The following CDH13 variants were observed in gnomAD, a reference collection of about 807,000 sequenced individuals.
CDH13 encodes cadherin-13.
Under a neutral mutation model 63.8 loss-of-function variants are expected in CDH13, and 24 were observed. The ratio of observed to expected loss-of-function variants is 0.38; its 90% CI spans 0.27 to 0.53. CDH13 has a LOEUF of 0.53. Ranked by LOEUF, CDH13 falls within the 20% of genes least tolerant of loss-of-function variation. CDH13 has a pLI of 0.85. For synonymous variants in CDH13, 503 were observed against 355.3 expected (o/e 1.42, Z -4.67); for missense variants, 1,049 against 903.1 (o/e 1.16, Z -2.07).
chr16:83,125,124 G>A (rs1047820144), intron 3 of CDH13, among the ~76,000 whole-genome samples: 1 of 152,224 alleles, frequency 6.6e-6, no homozygotes, highest in Admixed American at 6.5e-5. Context: ...TGAGGGATGA[G>A]TAAATCAAGA....
chr16:83,043,644 A>T (rs561094558), intron 3 of CDH13, among the ~76,000 whole-genome samples: 1 of 151,970 alleles, frequency 6.6e-6, no homozygotes, highest in Non-Finnish European at 1.5e-5. Context: ...GGATCACTTG[A>T]GGCCCGGAGT....
intron 8 of CDH13, among the ~76,000 whole-genome samples, chr16:83,625,850 G>A (rs1301360514): frequency 5.3e-5 from 8 of 152,266 alleles, no homozygotes; most frequent in South Asian, 2.1e-4. Context: ...ACCCTTTTAC[G>A]TAAGCCACGC....
At chr16:83,477,656 C>T (rs2073641258) in intron 6 of CDH13, among the ~76,000 whole-genome samples, 5 of 152,114 alleles carry the variant, frequency 3.3e-5, no homozygotes, top group Admixed American at 3.3e-4. Flanking sequence ...AAATGTTTCC[C>T]ATGGATGTAC....
intron 6 of CDH13, among the ~76,000 whole-genome samples, chr16:83,425,476 G>A (rs2071864990): frequency 6.6e-6 from 1 of 152,240 alleles, no homozygotes; most frequent in South Asian, 2.1e-4. Flanking sequence ...CCTGCACTCA[G>A]GAGGCTCACA....
At chr16:83,451,133 C>A (rs2072875914) in intron 6 of CDH13, among the ~76,000 whole-genome samples, 1 of 152,162 alleles carries the variant, frequency 6.6e-6, no homozygotes, top group African/African-American at 2.4e-5. Flanking sequence ...AAAGGAGAAT[C>A]ATTTGTCTTT....
chr16:83,670,958 C>A lies in CDH13; in HGVS notation c.1270C>A (p.Leu424Ile). 1 of 1,596,788 alleles carries A rather than the reference C, an allele frequency of 6.3e-7. No homozygotes were observed. Among genetic ancestry groups the A allele is most frequent in the Non-Finnish European group, 8.6e-7 (1 of 1,168,888 alleles). The change falls in exon 9 of 14, where the codon CTT (leucine) becomes ATT (isoleucine). Residue 424 changes from leucine to isoleucine, a missense_variant. Coordinates refer to ENST00000567109, the MANE Select transcript of CDH13 (RefSeq NM_001257.5). ...HTNPQTNEGM[L>I]SVVKPLDYEI... ...CAACCCTCAAACCAACGAAGGGATG[C>A]TTTCTGTTGTCAAAGTAAGGGTGCT...
At chr16:83,045,201 C>A (rs1377572362) in intron 3 of CDH13, among the ~76,000 whole-genome samples, 1 of 152,106 alleles carries the variant, frequency 6.6e-6, no homozygotes, top group African/African-American at 2.4e-5. Context: ...GCAAAACTCC[C>A]AGAGAAATTT....
chr16:83,247,981 C>G (rs902400498), intron 5 of CDH13, among the ~76,000 whole-genome samples: 1 of 152,126 alleles, frequency 6.6e-6, no homozygotes, highest in African/African-American at 2.4e-5. Context: ...GTCCAGGAAG[C>G]CCCAGGCTGT....
intron 1 of CDH13, among the ~76,000 whole-genome samples, chr16:82,839,679 C>G (rs60930916): frequency 0.12 from 17,712 of 152,206 alleles, 1,250 homozygotes; most frequent in African/African-American, 0.18. Context: ...ATGTGCACCT[C>G]TCTGCTAGGG....
At chr16:83,131,171 G>A (rs889895595) in intron 4 of CDH13, among the ~76,000 whole-genome samples, 1 of 130,864 alleles carries the variant, frequency 7.6e-6, no homozygotes, top group East Asian at 2.4e-4. Context: ...GGGAGTATAA[G>A]GGGGTGTATG....
chr16:82,778,949 G>T (rs17276565), intron 1 of CDH13, among the ~76,000 whole-genome samples: 12,075 of 152,156 alleles, frequency 0.079, 621 homozygotes, highest in South Asian at 0.13. Context: ...AAATGATCAG[G>T]AATTAGCCCT....
Position 83,797,230 on chromosome 16 carries a change from C to G in CDH13, c.*2200C>G, listed in dbSNP as rs2151025764. On this transcript the variant is annotated 3_prime_UTR_variant, in exon 14 of 14. Transcript: ENST00000567109. ...GCTAACTGGCAATCAGGAAGTCACC[C>G]TCCAATGTAAACTTCAGCCACATGC... The G allele has an allele frequency of 6.6e-6, 1 of 152,364 alleles. No homozygotes were observed. The highest frequency in any genetic ancestry group is 6.5e-5 in the Admixed American group (1 of 15,312). The allele number at this position is 152,364 out of a possible 1,614,324, so 9.4% of individuals were successfully genotyped here.
intron 1 of CDH13, among the ~76,000 whole-genome samples, chr16:82,785,584 T>C (rs2035965461): frequency 6.6e-6 from 1 of 152,200 alleles, no homozygotes; most frequent in Non-Finnish European, 1.5e-5. Context: ...TAATAACATA[T>C]ACCATCTGGC....
At chr16:83,253,374 C>T (rs894584590) in intron 5 of CDH13, among the ~76,000 whole-genome samples, 6 of 152,102 alleles carry the variant, frequency 3.9e-5, no homozygotes, top group East Asian at 1.9e-4. Context: ...TCTAGAAAGC[C>T]GCCTCAACTG....
In CDH13 at chr16:83,789,584, A is replaced by G. The variant is rs187086984; in HGVS notation, c.2135-5439A>G. On this transcript the variant is annotated intron_variant, in intron 13 of 13. Coordinates refer to ENST00000567109, the MANE Select transcript of CDH13 (RefSeq NM_001257.5). Reference sequence around the variant, plus strand: ...GGCTGGTCTGAAACTCCTGACCTCAAGTGATCCACCCACCTCAGCCTCCCG... The same window carrying G: ...GGCTGGTCTGAAACTCCTGACCTCAGGTGATCCACCCACCTCAGCCTCCCG... 4.3e-3 allele frequency among the ~76,000 whole-genome samples: 661 copies of G among 152,172 alleles called. 7 individuals carry two copies. Among genetic ancestry groups the G allele is most frequent in the African/African-American group, 0.015 (621 of 41,524 alleles).
chr16:82,776,171 C>G (rs1378639846), intron 1 of CDH13, among the ~76,000 whole-genome samples: 1 of 143,180 alleles, frequency 7.0e-6, no homozygotes, highest in Non-Finnish European at 1.5e-5. Context: ...GATTGTGCCA[C>G]TGCATTCCAG....
intron 1 of CDH13, among the ~76,000 whole-genome samples, chr16:82,764,420 G>T (rs1307622922): frequency 6.6e-6 from 1 of 152,190 alleles, no homozygotes; most frequent in Non-Finnish European, 1.5e-5. Context: ...AACTAGAAAT[G>T]GAAAGGGAAG....
At chr16:82,727,293 G>A (rs1381514417) in intron 1 of CDH13, among the ~76,000 whole-genome samples, 1 of 152,154 alleles carries the variant, frequency 6.6e-6, no homozygotes, top group Non-Finnish European at 1.5e-5. Context: ...GTTGTAAAAT[G>A]TGCCTTTATC....
intron 6 of CDH13, among the ~76,000 whole-genome samples, chr16:83,477,294 T>TA (rs1415027975): frequency 6.6e-6 from 1 of 152,216 alleles, no homozygotes; most frequent in Non-Finnish European, 1.5e-5. Flanking sequence ...AATTTGTACT[T>TA]AAAAAACCAA....
Sources: allele counts gnomAD v4.1 joint callset (sites outside exome capture counted in the v4.1 genomes callset), GRCh38; gene constraint gnomAD v4.1.1; transcripts MANE v1.5; gene names NCBI Gene and HGNC (gene_info 2026-07-23, HGNC 2026-07-21).